OTOGL: variants seen among roughly 807,000 people sequenced by gnomAD.
The protein encoded by OTOGL is otogelin like.
Under a neutral mutation model 318.5 loss-of-function variants are expected in OTOGL, and 285 were observed. That is an observed-to-expected ratio of 0.89 (90% CI 0.81 to 0.99). OTOGL has a LOEUF of 0.99. Ranked by LOEUF, OTOGL falls within the 50% of genes least tolerant of loss-of-function variation. The probability of loss-of-function intolerance (pLI) is 0.00; values close to 1 mark genes in which losing one functional copy is unlikely to be tolerated. For synonymous variants in OTOGL, 987 were observed against 936.5 expected (o/e 1.05, Z -0.99); for missense variants, 2,899 against 2,845.6 (o/e 1.02, Z -0.43).
chr12:80,284,247 A>T (rs573258753), intron 26 of OTOGL, among the ~76,000 whole-genome samples: 1 of 152,268 alleles, frequency 6.6e-6, no homozygotes, highest in Non-Finnish European at 1.5e-5. Flanking sequence ...GATGGTGTAT[A>T]TGTGCCACAT....
intron 7 of OTOGL, among the ~76,000 whole-genome samples, chr12:80,223,245 T>C (rs79214020): frequency 1.3e-5 from 2 of 151,884 alleles, no homozygotes; most frequent in Non-Finnish European, 2.9e-5. Flanking sequence ...TAGTATTCCA[T>C]GGTGTGTGTG....
At chr12:80,247,314 T>G (rs1565926210) in intron 11 of OTOGL, among the ~76,000 whole-genome samples, 1 of 146,950 alleles carries the variant, frequency 6.8e-6, no homozygotes. Flanking sequence ...GCTATAAATT[T>G]CCCTCTACAC....
intron 44 of OTOGL, 126 bp from the exon 45 acceptor site, chr12:80,352,169 G>A: frequency 4.7e-6 from 4 of 848,326 alleles, no homozygotes; most frequent in Non-Finnish European, 7.0e-6. Flanking sequence ...AAAATGTAAA[G>A]TCTATGATGA....
intron 35 of OTOGL, among the ~76,000 whole-genome samples, chr12:80,327,872 T>C (rs1887786821): frequency 7.3e-6 from 1 of 136,596 alleles, no homozygotes; most frequent in South Asian, 2.3e-4. Flanking sequence ...GGCAGGAGAA[T>C]GGCATGAATC....
At chr12:80,345,858 C>G (rs899925211) in intron 44 of OTOGL, among the ~76,000 whole-genome samples, 19 of 152,164 alleles carry the variant, frequency 1.2e-4, no homozygotes, top group Non-Finnish European at 2.1e-4. Context: ...ATTCTATACA[C>G]AGTAGCCTGT....
intron 17 of OTOGL, among the ~76,000 whole-genome samples, chr12:80,257,618 G>A (rs1271229427): frequency 6.6e-6 from 1 of 152,016 alleles, no homozygotes; most frequent in African/African-American, 2.4e-5. Context: ...TGAAGACCAG[G>A]AAGGAGGGAG....
At chr12:80,167,592 T>C (rs887086733) in intron 1 of OTOGL, among the ~76,000 whole-genome samples, 1 of 152,176 alleles carries the variant, frequency 6.6e-6, no homozygotes, top group Non-Finnish European at 1.5e-5. Context: ...AGAATTTTAA[T>C]TTTTTTCTTC....
intron 4 of OTOGL, among the ~76,000 whole-genome samples, chr12:80,214,507 G>A (rs1055177275): frequency 5.9e-5 from 9 of 152,188 alleles, no homozygotes; most frequent in African/African-American, 2.2e-4. Context: ...TGAAGTTGCA[G>A]GCTTTCAGTG....
intron 1 of OTOGL, among the ~76,000 whole-genome samples, chr12:80,207,433 G>A (rs1003258756): frequency 6.6e-6 from 1 of 151,966 alleles, no homozygotes; most frequent in Non-Finnish European, 1.5e-5. Context: ...TCAAACTCCC[G>A]ACCTCAGGTG....
intron 52 of OTOGL, among the ~76,000 whole-genome samples, chr12:80,362,560 CA>C (rs754574478): frequency 5.9e-5 from 9 of 152,078 alleles, no homozygotes; most frequent in Non-Finnish European, 1.3e-4. Flanking sequence ...ATCTGTAGAG[CA>C]ATTTGAGTAG....
At position 80,310,671 on chromosome 12, in the gene OTOGL, G is replaced by A. The variant is rs1886574040; in HGVS notation, c.3394G>A (p.Ala1132Thr). The A allele has an allele frequency of 6.3e-7, 1 of 1,596,714 alleles. No homozygotes were observed. The highest frequency in any genetic ancestry group is 1.3e-5 in the African/African-American group (1 of 74,842). The change falls in exon 30 of 59, where the codon GCC becomes ACC. Residue 1132 changes from alanine (A) to threonine (T), a missense_variant. Ala to Thr is a moderately conservative substitution (Grantham distance 58, BLOSUM62 0). Coordinates refer to ENST00000547103, the MANE Select transcript of OTOGL (RefSeq NM_001378609.3). Reference protein sequence around the residue: ...CEAHQNKFPYAKKECSILYSD... With the variant: ...CEAHQNKFPYTKKECSILYSD... ...GGCACATCAAAACAAATTTCCTTAT[G>A]CCAAGAAAGAATGCTCCATTTTGTA...
chr12:80,366,677 A>T, intron 53 of OTOGL, 40 bp downstream of exon 53: 1 of 842,610 alleles, frequency 1.2e-6, no homozygotes, highest in Non-Finnish European at 1.6e-6. Flanking sequence ...ATAAATGAAT[A>T]TCATTAGTAT....
intron 26 of OTOGL, among the ~76,000 whole-genome samples, chr12:80,280,278 G>A (rs897063151): frequency 6.7e-6 from 1 of 148,236 alleles, no homozygotes; most frequent in African/African-American, 2.5e-5. Flanking sequence ...TTCTTTGGGT[G>A]TGCTGAAGCT....
chr12:80,161,360 A>G (rs138725330), intron 1 of OTOGL, among the ~76,000 whole-genome samples: 1 of 152,304 alleles, frequency 6.6e-6, no homozygotes, highest in East Asian at 1.9e-4. Context: ...ATTATAAAAA[A>G]TTACCTAATG....
chr12:80,160,583 A>G (rs1057017782), intron 1 of OTOGL, among the ~76,000 whole-genome samples: 5 of 152,072 alleles, frequency 3.3e-5, no homozygotes, highest in African/African-American at 1.2e-4. Context: ...AACCAAAATC[A>G]TAGGTGTTGG....
At chr12:80,316,130 G>A (rs940116370) in intron 32 of OTOGL, among the ~76,000 whole-genome samples, 3 of 152,190 alleles carry the variant, frequency 2.0e-5, no homozygotes, top group Non-Finnish European at 2.9e-5. Context: ...TGGCCAAAAT[G>A]TGGCAAACTG....
chr12:80,162,859 A>G (rs1873605603), intron 1 of OTOGL, among the ~76,000 whole-genome samples: 2 of 152,022 alleles, frequency 1.3e-5, no homozygotes, highest in Non-Finnish European at 2.9e-5. Flanking sequence ...CAATCATTAT[A>G]GGTGTGTTCA....
chr12:80,215,134 T>C (rs552916519), intron 4 of OTOGL, among the ~76,000 whole-genome samples: 10 of 151,358 alleles, frequency 6.6e-5, no homozygotes, highest in Non-Finnish European at 1.2e-4. Context: ...AGTTTTTGCC[T>C]AACAATAAAA....
intron 34 of OTOGL, among the ~76,000 whole-genome samples, chr12:80,322,808 A>C (rs1016625506): frequency 6.6e-6 from 1 of 152,170 alleles, no homozygotes; most frequent in Non-Finnish European, 1.5e-5. Flanking sequence ...AACAATACTT[A>C]TCTGGTACAA....
Sources: allele counts gnomAD v4.1 joint callset (sites outside exome capture counted in the v4.1 genomes callset), GRCh38; gene constraint gnomAD v4.1.1; transcripts MANE v1.5; gene names NCBI Gene and HGNC (gene_info 2026-07-23, HGNC 2026-07-21).